Variants in TRIO observed in about 807,000 individuals in gnomAD.
TRIO encodes triple functional domain protein.
TRIO carries 58 observed loss-of-function variants against 351.9 expected under a neutral mutation model. The ratio of observed to expected loss-of-function variants is 0.16; its 90% CI spans 0.13 to 0.21. TRIO has a LOEUF of 0.21. Ranked by LOEUF, TRIO falls within the 10% of genes least tolerant of loss-of-function variation. The pLI is 1.00. For missense variants in TRIO, 3,201 were observed against 4,027.8 expected (o/e 0.79, Z 5.56); for synonymous variants, 1,758 against 1,595.7 (o/e 1.10, Z -2.42).
intron 44 of TRIO, 29 bp from the exon 45 acceptor site, chr5:14,481,512 C>G (rs1554087120): frequency 6.2e-7 from 1 of 1,612,392 alleles, no homozygotes; most frequent in Non-Finnish European, 8.5e-7. Context: ...GGAACTTGAG[C>G]TTTCACTCTT....
intron 34 of TRIO, among the ~76,000 whole-genome samples, chr5:14,435,824 C>G (rs1025935845): frequency 6.6e-6 from 1 of 152,224 alleles, no homozygotes; most frequent in African/African-American, 2.4e-5. Flanking sequence ...CACTCCTTTA[C>G]TTTCTGGCAC....
intron 49 of TRIO, among the ~76,000 whole-genome samples, chr5:14,494,999 G>A (rs1185398147): frequency 1.3e-5 from 2 of 152,252 alleles, no homozygotes; most frequent in African/African-American, 4.8e-5. Context: ...TGAAAACCTT[G>A]TGGAGAGGAT....
intron 54 of TRIO, among the ~76,000 whole-genome samples, chr5:14,504,182 G>A (rs542658314): frequency 1.3e-5 from 2 of 152,372 alleles, no homozygotes; most frequent in East Asian, 3.9e-4. Flanking sequence ...CTGCCTGGGA[G>A]GAAGGACCAG....
At chr5:14,409,605 C>A (rs985855345) in intron 33 of TRIO, among the ~76,000 whole-genome samples, 1 of 152,012 alleles carries the variant, frequency 6.6e-6, no homozygotes, top group African/African-American at 2.4e-5. Context: ...GAGGCCAAGG[C>A]GGGCAGATCA....
In TRIO at chr5:14,373,933, C is replaced by A. The variant is rs545612079; in HGVS notation, c.3217-296C>A. Among the ~76,000 whole-genome samples, 6 of 152,310 alleles carry A rather than the reference C, an allele frequency of 3.9e-5. 1 individual carries two copies. The East Asian group carries it at 1.2e-3, about 29-fold the overall frequency. ...GGTGTGCAAACCTCTCTAGACTGGACGGAGACAGGGCTTCCCTTCCTCCGT... is the reference window on the plus strand; with the variant it reads ...GGTGTGCAAACCTCTCTAGACTGGAAGGAGACAGGGCTTCCCTTCCTCCGT... On this transcript the variant is annotated intron_variant, in intron 18 of 56. Transcript: ENST00000344204.
chr5:14,509,355 T>A lies in TRIO; in HGVS notation c.*933T>A, dbSNP rs1043769936. On this transcript the variant is annotated 3_prime_UTR_variant, in exon 57 of 57. Transcript: ENST00000344204. ...ATAAATATATAGAAAAAGCACATAC[T>A]TCGTATGGTGAGCTTTATGGTTTTG... is the stretch of plus-strand genomic sequence containing the variant. 2.3e-6 allele frequency: 1 copy of A among 441,424 alleles called. No homozygotes were observed. Among genetic ancestry groups the A allele is most frequent in the African/African-American group, 2.1e-5 (1 of 48,296 alleles). The allele number at this position is 441,424 out of a possible 1,614,324, so 27.3% of individuals were successfully genotyped here.
intron 1 of TRIO, among the ~76,000 whole-genome samples, chr5:14,225,747 G>A (rs1444087818): frequency 6.7e-6 from 1 of 148,174 alleles, no homozygotes; most frequent in Non-Finnish European, 1.5e-5. Context: ...CAGCTCATTA[G>A]TAACCTAATC....
At position 14,286,914 on chromosome 5, in the gene TRIO, C is replaced by T. The variant is rs1736490330; in HGVS notation, c.391C>T (p.Arg131Cys). The change falls in exon 4 of 57, where the codon CGT becomes TGT. Residue 131 changes from arginine to cysteine, a missense_variant. Transcript: ENST00000344204. The surrounding 1 kb of genome is among the most constrained non-coding windows in gnomAD (Gnocchi z 4.4). ...KRGFTVIVDMRGSKWDSIKPL... is the reference protein window; with the variant it reads ...KRGFTVIVDMCGSKWDSIKPL... The stretch of plus-strand genomic sequence containing the variant: ...TGGCTTCACGGTGATCGTGGACATG[C>T]GTGGGTCCAAGTGGGACTCCATCAA... 6.2e-7 allele frequency: 1 copy of T among 1,613,800 alleles called. No individual in the cohort carries two copies. Among genetic ancestry groups the T allele is most frequent in the South Asian group, 1.1e-5 (1 of 91,054 alleles).
chr5:14,469,658 A>G (rs528272358), intron 37 of TRIO, among the ~76,000 whole-genome samples: 1 of 152,354 alleles, frequency 6.6e-6, no homozygotes, highest in African/African-American at 2.4e-5. Flanking sequence ...GGGCCACATG[A>G]AGGCGATAAG....
chr5:14,442,373 CAAAG>C (rs1256911906), intron 34 of TRIO, among the ~76,000 whole-genome samples: 3 of 151,810 alleles, frequency 2.0e-5, no homozygotes, highest in Non-Finnish European at 4.4e-5. Context: ...AGGGATCCCC[CAAAG>C]AAAGGGGGTA....
In TRIO at chr5:14,471,456, A is replaced by G. The variant is rs991969714; in HGVS notation, c.5902A>G (p.Lys1968Glu). 1.9e-6 allele frequency: 3 copies of G among 1,613,948 alleles called. No individual in the cohort carries two copies. In the Admixed American group the frequency reaches 5.0e-5, roughly 27 times the overall value. ...GGAAGAAAGGAAATCCAGCTCTTTAAAGAGAAGACAGTAAGACAGAAATGT... is the reference window on the plus strand; with the variant it reads ...GGAAGAAAGGAAATCCAGCTCTTTAGAGAGAAGACAGTAAGACAGAAATGT... ...EMEERKSSSLKRRHYVLQELV... is the reference protein window; with the variant it reads ...EMEERKSSSLERRHYVLQELV... The change falls in exon 38 of 57, where the codon AAG becomes GAG. Residue 1968 changes from lysine (K) to glutamate (E), a missense_variant. Physicochemically the swap from Lys to Glu is moderately conservative, Grantham distance 56. Transcript: ENST00000344204.
At position 14,487,851 on chromosome 5, in the gene TRIO, C is replaced by T. The variant is rs763823109; in HGVS notation, c.7223C>T (p.Pro2408Leu). The T allele has an allele frequency of 2.6e-6, 4 of 1,528,082 alleles. No individual in the cohort carries two copies. Among genetic ancestry groups the T allele is most frequent in the African/African-American group, 1.4e-5 (1 of 70,340 alleles). The allele number at this position is 1,528,082 out of a possible 1,614,324, so 94.7% of individuals were successfully genotyped here. The part of the protein sequence containing the change: ...DAEGSEREAE[P>L]IPKMKVLESP... ...GAGGGGTCCGAGCGAGAAGCGGAGCCGATCCCCAAGATGAAGGTGCTGGAG... is the reference window on the plus strand; with the variant it reads ...GAGGGGTCCGAGCGAGAAGCGGAGCTGATCCCCAAGATGAAGGTGCTGGAG... The change falls in exon 48 of 57, where the codon CCG (proline) becomes CTG (leucine). Residue 2408 changes from proline (P) to leucine (L), a missense_variant. Transcript: ENST00000344204.
intron 1 of TRIO, among the ~76,000 whole-genome samples, chr5:14,167,872 A>C (rs548100549): frequency 6.6e-6 from 1 of 152,180 alleles, no homozygotes; most frequent in Non-Finnish European, 1.5e-5. Context: ...AATACTGAAC[A>C]TTCATTTCTT....
intron 1 of TRIO, among the ~76,000 whole-genome samples, chr5:14,219,826 G>A (rs1792478154): frequency 6.6e-6 from 1 of 152,068 alleles, no homozygotes; most frequent in African/African-American, 2.4e-5. Flanking sequence ...TATTTTTCAA[G>A]CAGCATGTGG....
chr5:14,373,137 A>G (rs1423306504), intron 18 of TRIO, among the ~76,000 whole-genome samples: 1 of 152,048 alleles, frequency 6.6e-6, no homozygotes, highest in Non-Finnish European at 1.5e-5. Context: ...ATGGGGGACC[A>G]CCCCCATGAT....
intron 54 of TRIO, among the ~76,000 whole-genome samples, chr5:14,503,601 CAGCAGG>C (rs1216136274): frequency 6.6e-6 from 1 of 152,208 alleles, no homozygotes; most frequent in South Asian, 2.1e-4. Flanking sequence ...CATCCCAGAA[CAGCAGG>C]AGCAGGAGCG....
chr5:14,380,468 C>T (rs1261473106), intron 20 of TRIO, among the ~76,000 whole-genome samples: 1 of 152,188 alleles, frequency 6.6e-6, no homozygotes, highest in Non-Finnish European at 1.5e-5. Flanking sequence ...TCCCCTTGCC[C>T]CTCTGCTCCA....
At chr5:14,415,340 GGCAGAGCTTGCCCCAGAACTCATC>G (rs1749552228) in intron 33 of TRIO, among the ~76,000 whole-genome samples, 1 of 151,744 alleles carries the variant, frequency 6.6e-6, no homozygotes, top group Non-Finnish European at 1.5e-5. Flanking sequence ...CTCTTCCTCA[GGCAGAGCTTGCCCCAGAACTCATC>G]GCAGAGCTTG....
At chr5:14,359,285 C>T (rs932958953) in intron 12 of TRIO, 72 bp from the exon 13 acceptor site, 33 of 1,536,830 alleles carry the variant, frequency 2.1e-5, no homozygotes, top group Admixed American at 3.6e-5. Context: ...TGAAGATTTG[C>T]GTGGCCGGAT....
Sources: allele counts gnomAD v4.1 joint callset (sites outside exome capture counted in the v4.1 genomes callset), GRCh38; gene constraint gnomAD v4.1.1; non-coding constraint Gnocchi (gnomAD v3.1); transcripts MANE v1.5; gene names NCBI Gene and HGNC (gene_info 2026-07-23, HGNC 2026-07-21).